ZNF345: variants seen among roughly 807,000 people sequenced by gnomAD.
The protein encoded by ZNF345 is zinc finger protein 345, also known as zinc finger protein HZF10.
For missense variants in ZNF345, 527 were observed against 589.9 expected, an observed-to-expected ratio of 0.89 and a Z score of 1.10; for synonymous variants, 166 against 187.9, an observed-to-expected ratio of 0.88 and a Z score of 0.95.
intron 3 of ZNF345, chr19:36,891,893 C>G: frequency 6.2e-7 from 1 of 1,614,026 alleles, no homozygotes; most frequent in Non-Finnish European, 8.5e-7. Flanking sequence ...TTCCCACATT[C>G]TTTACATTCA....
downstream of ZNF345, among the ~76,000 whole-genome samples, chr19:36,884,304 C>T (rs1419157818): frequency 6.6e-6 from 1 of 152,088 alleles, no homozygotes; most frequent in African/African-American, 2.4e-5. Flanking sequence ...GTGATCTGCC[C>T]ACCTCAGCCT....
intron 1 of ZNF345, chr19:36,851,192 T>G (rs1231379328): frequency 6.5e-6 from 1 of 152,694 alleles, no homozygotes; most frequent in African/African-American, 2.4e-5. Context: ...GGCACTGTGT[T>G]TGCGAGTGTG....
chr19:36,863,075 G>A (rs1261958521), intron 2 of ZNF345: 1 of 152,202 alleles, frequency 6.6e-6, no homozygotes, highest in Non-Finnish European at 1.5e-5. Flanking sequence ...GTCCATAACT[G>A]TGAACAAACA....
chr19:36,874,490 A>G (rs503956), intron 2 of ZNF345, among the ~76,000 whole-genome samples: 35,095 of 143,148 alleles, frequency 0.25, 6,523 homozygotes, highest in African/African-American at 0.52. Context: ...GTGAAACTCC[A>G]CTAAAAAAAA....
chr19:36,870,260 A>G (rs1432210703), intron 2 of ZNF345, among the ~76,000 whole-genome samples: 1 of 152,122 alleles, frequency 6.6e-6, no homozygotes, highest in East Asian at 1.9e-4. Flanking sequence ...TTTTCCATTT[A>G]ATTACTATTA....
At chr19:36,890,437 G>A (rs1186545510) in intron 3 of ZNF345, 3 of 151,856 alleles carry the variant, frequency 2.0e-5, no homozygotes, top group African/African-American at 7.3e-5. Flanking sequence ...TATGGATCTG[G>A]GTGTTGCAGT....
chr19:36,892,049 C>T, intron 3 of ZNF345: 2 of 1,614,016 alleles, frequency 1.2e-6, no homozygotes, highest in Non-Finnish European at 1.7e-6. Flanking sequence ...TACTTAAAGG[C>T]TTTTCCACAT....
Position 36,876,711 on chromosome 19 carries a change from TC to T in ZNF345, c.-46-73del, listed in dbSNP as rs1000581958. On this transcript the variant is annotated intron_variant, in intron 2 of 2. Coordinates refer to ENST00000420450, the MANE Select transcript of ZNF345 (RefSeq NM_001242472.2). ...GAAAATTAAATTGTAGTTAAGTCTT[TC>T]GTATCTATTATAAACGTTTAATCTC... 1.4e-5 allele frequency: 14 copies of T among 989,060 alleles called. No homozygotes were observed. The African/African-American group carries it at 2.0e-4, about 14-fold the overall frequency. The allele number at this position is 989,060 out of a possible 1,614,324, so 61.3% of individuals were successfully genotyped here. A position where few individuals can be genotyped will look rare whatever the true frequency, so the allele number is the denominator to read the frequency against.
intron 3 of ZNF345, among the ~76,000 whole-genome samples, chr19:36,886,083 T>G (rs924183986): frequency 6.6e-6 from 1 of 152,218 alleles, no homozygotes; most frequent in Non-Finnish European, 1.5e-5. Context: ...AAAGTGGTAT[T>G]GGATTATAAC....
chr19:36,864,068 A>G (rs935904239), intron 2 of ZNF345, among the ~76,000 whole-genome samples: 1 of 152,332 alleles, frequency 6.6e-6, no homozygotes, highest in African/African-American at 2.4e-5. Context: ...TCAGTTACCA[A>G]TTCTGTTGCA....
chr19:36,856,601 A>G (rs1396711597), intron 2 of ZNF345, among the ~76,000 whole-genome samples: 1 of 152,198 alleles, frequency 6.6e-6, no homozygotes, highest in Non-Finnish European at 1.5e-5. Flanking sequence ...CATGCCTGTA[A>G]TACTAGCACA....
chr19:36,853,480 C>G (rs1342474367), intron 2 of ZNF345, among the ~76,000 whole-genome samples: 1 of 152,058 alleles, frequency 6.6e-6, no homozygotes, highest in Non-Finnish European at 1.5e-5. Flanking sequence ...ACTAGGTGAT[C>G]TGCCTACCTC....
intron 2 of ZNF345, among the ~76,000 whole-genome samples, chr19:36,864,731 A>G (rs1447954239): frequency 2.6e-5 from 4 of 152,056 alleles, no homozygotes; most frequent in African/African-American, 9.7e-5. Flanking sequence ...ATGTAACTAC[A>G]CTTGGATGAC....
intron 3 of ZNF345, among the ~76,000 whole-genome samples, chr19:36,887,461 G>A (rs1436747814): frequency 6.6e-6 from 1 of 152,100 alleles, no homozygotes; most frequent in Non-Finnish European, 1.5e-5. Context: ...GGGTATATGG[G>A]AATTCTCTCT....
At position 36,892,241 on chromosome 19, in the gene ZNF345, A is replaced by G. The variant is rs1213633076; in HGVS notation, c.47-577A>G. On this transcript the variant is annotated intron_variant, in intron 3 of 3. Coordinates refer to the ZNF345 transcript ENST00000526123. ...GACTTCCCATACTCCTTAGATTCAT[A>G]GTGTTTTTCACCAAAATGAATTCTC... The G allele has an allele frequency of 5.0e-6, 8 of 1,614,070 alleles. No homozygotes were observed. The Admixed American group carries it at 1.3e-4, about 27-fold the overall frequency.
intron 2 of ZNF345, among the ~76,000 whole-genome samples, chr19:36,857,509 A>G (rs1024055036): frequency 6.6e-5 from 10 of 152,036 alleles, no homozygotes; most frequent in Middle Eastern, 3.4e-3. Flanking sequence ...GGGTTTCTCC[A>G]TGTTGGTCAG....
At chr19:36,891,738 G>T (rs1218083213) in intron 3 of ZNF345, 5 of 1,613,980 alleles carry the variant, frequency 3.1e-6, no homozygotes, top group Non-Finnish European at 4.2e-6. Context: ...CACATTCATA[G>T]AGCTTCTCAC....
intron 2 of ZNF345, among the ~76,000 whole-genome samples, chr19:36,868,597 C>G (rs1365052152): frequency 1.3e-5 from 2 of 150,604 alleles, no homozygotes; most frequent in Non-Finnish European, 2.9e-5. Flanking sequence ...TTTTGGGTAC[C>G]CATTGCAGTT....
At chr19:36,854,416 A>C (rs2072359620) in intron 2 of ZNF345, 1 of 152,100 alleles carries the variant, frequency 6.6e-6, no homozygotes, top group South Asian at 2.1e-4. Flanking sequence ...CCAAAACTTG[A>C]ATTTCATTTA....
Sources: allele counts gnomAD v4.1 joint callset (sites outside exome capture counted in the v4.1 genomes callset), GRCh38; gene constraint gnomAD v4.1.1; transcripts MANE v1.5; gene names NCBI Gene and HGNC (gene_info 2026-07-23, HGNC 2026-07-21).